CDH12: variants seen among roughly 807,000 people sequenced by gnomAD.
The protein encoded by CDH12 is cadherin-12.
In CDH12, 41 loss-of-function variants were observed where a neutral mutation model predicts 74.1. That is an observed-to-expected ratio of 0.55 (90% CI 0.43 to 0.72). CDH12 has a LOEUF of 0.72. CDH12 is among the 30% of genes least tolerant of loss of function. The probability of loss-of-function intolerance (pLI) is 0.00; values close to 1 mark genes in which losing one functional copy is unlikely to be tolerated. For missense variants in CDH12, 945 were observed against 977.2 expected (o/e 0.97, Z 0.44); for synonymous variants, 399 against 355.0 (o/e 1.12, Z -1.39).
At chr5:22,541,750 A>G (rs1357039888) in intron 1 of CDH12, among the ~76,000 whole-genome samples, 2 of 152,228 alleles carry the variant, frequency 1.3e-5, no homozygotes, top group Non-Finnish European at 2.9e-5. Flanking sequence ...CCAAGGATCT[A>G]TACCTTAGAG....
chr5:22,619,348 T>C (rs1478402397), intron 1 of CDH12, among the ~76,000 whole-genome samples: 1 of 152,126 alleles, frequency 6.6e-6, no homozygotes, highest in Non-Finnish European at 1.5e-5. Flanking sequence ...CAGCAAGTTC[T>C]GTTACTTTGA....
At chr5:22,340,505 A>T (rs1432171465) in intron 3 of CDH12, among the ~76,000 whole-genome samples, 3 of 149,500 alleles carry the variant, frequency 2.0e-5, no homozygotes, top group African/African-American at 7.5e-5. Flanking sequence ...CAGCCTGGGC[A>T]ACAGAAGGAG....
Position 21,971,745 on chromosome 5 carries a change from C to A in CDH12, c.526+3346G>T, listed in dbSNP as rs188540854. 8.2e-3 allele frequency among the ~76,000 whole-genome samples: 1,242 copies of A among 152,188 alleles called. 5 individuals are homozygous for A. The highest frequency in any genetic ancestry group is 0.014 in the Middle Eastern group (4 of 294). On this transcript the variant is annotated intron_variant, in intron 6 of 14. Transcript: ENST00000382254. ...CTCTAGTGATCTTAAAGAATTAAGT[C>A]CACATTCATAAAGTCCAAACTTGTC...
intron 3 of CDH12, among the ~76,000 whole-genome samples, chr5:22,370,390 T>C (rs929467686): frequency 1.3e-5 from 2 of 152,180 alleles, no homozygotes; most frequent in African/African-American, 4.8e-5. Flanking sequence ...AATGGAGTAA[T>C]GCCTACTGAG....
intron 5 of CDH12, among the ~76,000 whole-genome samples, chr5:21,975,606 C>T (rs1186946584): frequency 4.5e-4 from 68 of 152,110 alleles, no homozygotes; most frequent in Non-Finnish European, 1.9e-4. Flanking sequence ...GTGCGATGAA[C>T]GCATATATAC....
At chr5:22,838,907 G>A (rs190760124) in intron 1 of CDH12, among the ~76,000 whole-genome samples, 32 of 151,918 alleles carry the variant, frequency 2.1e-4, no homozygotes, top group Admixed American at 1.5e-3. Flanking sequence ...TGAACTCTTG[G>A]CTCATGCAAT....
intron 6 of CDH12, among the ~76,000 whole-genome samples, chr5:21,886,527 T>A (rs1752639964): frequency 1.4e-5 from 2 of 146,742 alleles, no homozygotes; most frequent in Non-Finnish European, 3.0e-5. Flanking sequence ...ACATATATTA[T>A]TATATTATAT....
intron 4 of CDH12, among the ~76,000 whole-genome samples, chr5:22,177,425 A>C (rs1004269121): frequency 2.0e-5 from 3 of 152,036 alleles, no homozygotes. Flanking sequence ...CAGGGGAAGG[A>C]ATAATGAATC....
chr5:22,425,304 T>C (rs922504058), intron 2 of CDH12, among the ~76,000 whole-genome samples: 11 of 151,114 alleles, frequency 7.3e-5, no homozygotes, highest in Admixed American at 5.3e-4. Flanking sequence ...TTTGTGAGTG[T>C]GGTAGTTTAC....
At chr5:22,740,544 A>G (rs1580946228) in intron 1 of CDH12, among the ~76,000 whole-genome samples, 1 of 152,102 alleles carries the variant, frequency 6.6e-6, no homozygotes, top group African/African-American at 2.4e-5. Context: ...GATGTTTAAA[A>G]TGTGTGTTTC....
intron 10 of CDH12, among the ~76,000 whole-genome samples, chr5:21,786,307 C>T (rs538025131): frequency 6.6e-6 from 1 of 152,134 alleles, no homozygotes; most frequent in Non-Finnish European, 1.5e-5. Flanking sequence ...GTGCATGCCA[C>T]TACGCCTGGC....
At chr5:22,242,575 C>A (rs1752789879) in intron 3 of CDH12, among the ~76,000 whole-genome samples, 1 of 152,114 alleles carries the variant, frequency 6.6e-6, no homozygotes, top group African/African-American at 2.4e-5. Flanking sequence ...CACTGGTGGA[C>A]CTCAATTTTT....
chr5:21,789,024 ATTT>A (rs1322339013), intron 10 of CDH12, among the ~76,000 whole-genome samples: 1 of 151,696 alleles, frequency 6.6e-6, no homozygotes, highest in Non-Finnish European at 1.5e-5. Flanking sequence ...TTCTTTAATG[ATTT>A]TTATTATATA....
At chr5:22,088,411 C>T (rs776722362) in intron 4 of CDH12, among the ~76,000 whole-genome samples, 1 of 152,144 alleles carries the variant, frequency 6.6e-6, no homozygotes, top group South Asian at 2.1e-4. Context: ...GGGACCTCCT[C>T]TCCTTGCCTT....
At chr5:22,533,276 A>T (rs540811975) in intron 1 of CDH12, among the ~76,000 whole-genome samples, 3 of 152,300 alleles carry the variant, frequency 2.0e-5, no homozygotes, top group African/African-American at 7.2e-5. Flanking sequence ...CCTAATAAAT[A>T]GTTACCTGAA....
chr5:22,597,890 A>C (rs932195243), intron 1 of CDH12, among the ~76,000 whole-genome samples: 1 of 152,198 alleles, frequency 6.6e-6, no homozygotes, highest in Non-Finnish European at 1.5e-5. Flanking sequence ...TATGTCTTCC[A>C]TTAAAGTAAC....
intron 7 of CDH12, among the ~76,000 whole-genome samples, chr5:21,847,648 A>G (rs548199999): frequency 5.3e-5 from 8 of 152,136 alleles, no homozygotes; most frequent in African/African-American, 1.9e-4. Flanking sequence ...TACCCATATA[A>G]TAAGAATAAT....
intron 1 of CDH12, among the ~76,000 whole-genome samples, chr5:22,799,703 C>T (rs1232256841): frequency 6.6e-6 from 1 of 151,980 alleles, no homozygotes; most frequent in Non-Finnish European, 1.5e-5. Flanking sequence ...CTCAGTACTC[C>T]CCACATTCAT....
Position 22,670,861 on chromosome 5 carries a change from T to A in CDH12, c.-522-165497A>T, listed in dbSNP as rs187468051. On this transcript the variant is annotated intron_variant, in intron 1 of 14. Coordinates refer to ENST00000382254, the MANE Select transcript of CDH12 (RefSeq NM_004061.5). ...TGCCAATCTTACTAATAAAATGTAA[T>A]CTTTATTTTGCATCGTAGCAGGTTT... Among the ~76,000 whole-genome samples the A allele has an allele frequency of 3.2e-3, 481 of 152,168 alleles. 4 individuals carry two copies. The highest frequency in any genetic ancestry group is 0.011 in the African/African-American group (462 of 41,552).
Sources: allele counts gnomAD v4.1 joint callset (sites outside exome capture counted in the v4.1 genomes callset), GRCh38; gene constraint gnomAD v4.1.1; transcripts MANE v1.5; gene names NCBI Gene and HGNC (gene_info 2026-07-23, HGNC 2026-07-21).